The following COL18A1 variants were observed in gnomAD, a reference collection of about 807,000 sequenced individuals.
The protein encoded by COL18A1 is collagen type XVIII alpha 1 chain, also known as collagen alpha-1(XVIII) chain.
Under a neutral mutation model 168.0 loss-of-function variants are expected in COL18A1, and 133 were observed. That is an observed-to-expected ratio of 0.79 (90% CI 0.69 to 0.91). The LOEUF (loss-of-function observed/expected upper bound fraction) is 0.91. COL18A1 is among the 40% of genes least tolerant of loss of function. COL18A1 has a pLI of 0.00. For synonymous variants in COL18A1, 949 were observed against 809.0 expected, an observed-to-expected ratio of 1.17 and a Z score of -2.94; for missense variants, 2,126 against 1,925.4, an observed-to-expected ratio of 1.10 and a Z score of -1.95.
chr21:45,452,915 G>T (rs530580022), intron 2 of COL18A1, among the ~76,000 whole-genome samples: 13 of 152,118 alleles, frequency 8.5e-5, no homozygotes, highest in Admixed American at 5.2e-4. Context: ...ATGTACATGT[G>T]TGTGAGTATT....
At chr21:45,456,821 G>A (rs762263431) in intron 2 of COL18A1, 36 of 1,525,914 alleles carry the variant, frequency 2.4e-5, no homozygotes, top group African/African-American at 1.3e-4. Context: ...GCTGCCCGTC[G>A]CCTGTGCCTC....
chr21:45,435,980 A>G (rs2145793129), intron 2 of COL18A1, among the ~76,000 whole-genome samples: 1 of 152,232 alleles, frequency 6.6e-6, no homozygotes, highest in African/African-American at 2.4e-5. Flanking sequence ...CTGTGGGTCC[A>G]TGGCCCAGGC....
chr21:45,458,017 G>T (rs888362883), intron 2 of COL18A1, among the ~76,000 whole-genome samples: 1 of 151,730 alleles, frequency 6.6e-6, no homozygotes, highest in Admixed American at 6.6e-5. Context: ...CTGGGGAGTG[G>T]CCGGGGGGCC....
intron 10 of COL18A1, 37 bp from the exon 11 acceptor site, chr21:45,480,033 G>T: frequency 6.2e-7 from 1 of 1,611,132 alleles, no homozygotes; most frequent in Non-Finnish European, 8.5e-7. Context: ...GGCTGTGTGC[G>T]TGCCCAGGGT....
At chr21:45,436,509 G>C (rs1435024800) in intron 2 of COL18A1, among the ~76,000 whole-genome samples, 1 of 152,132 alleles carries the variant, frequency 6.6e-6, no homozygotes, top group Non-Finnish European at 1.5e-5. Context: ...AGGGCTTTCG[G>C]TTCGGCAAAA....
At chr21:45,441,158 A>C (rs148487455) in intron 2 of COL18A1, among the ~76,000 whole-genome samples, 2 of 152,286 alleles carry the variant, frequency 1.3e-5, no homozygotes, top group African/African-American at 4.8e-5. Flanking sequence ...GCAGCTGCCC[A>C]GACCTGGGGT....
At position 45,473,861 on chromosome 21, in the gene COL18A1, A is replaced by C; in HGVS notation, c.652-34A>C. 9 of 1,552,360 alleles carry C rather than the reference A, an allele frequency of 5.8e-6. No individual in the cohort carries two copies. Among genetic ancestry groups the C allele is most frequent in the African/African-American group, 1.4e-5 (1 of 73,390 alleles). On this transcript the variant is annotated intron_variant, in intron 3 of 41. Transcript: ENST00000651438. The surrounding 1 kb of genome is among the most constrained non-coding windows in gnomAD (Gnocchi z 4.0). ...CCGGGGTTGCCACTGCCACCTCAGG[A>C]CCGCTGGTGACCCCTTTCTCTGTCT...
chr21:45,438,022 TCA>T lies in COL18A1; in HGVS notation c.107-30213_107-30212del, dbSNP rs796184973. 3.2e-4 allele frequency among the ~76,000 whole-genome samples: 11 copies of T among 34,402 alleles called. 1 individual carries two copies. Among genetic ancestry groups the T allele is most frequent in the Non-Finnish European group, 5.6e-4 (10 of 17,708 alleles). 22.6% of individuals were successfully genotyped at this position (34,402 alleles called of 152,430 possible). A position where few individuals can be genotyped will look rare whatever the true frequency, so the allele number is the denominator to read the frequency against. On this transcript the variant is annotated intron_variant, in intron 2 of 41. Transcript: ENST00000651438. ...CACTCTCCTGCACACACACACTCAC[TCA>T]CACACAGACACACAGGCACTCTCCT...
intron 12 of COL18A1, 75 bp from the exon 13 acceptor site, chr21:45,480,625 G>GC: frequency 1.2e-6 from 2 of 1,612,320 alleles, no homozygotes; most frequent in South Asian, 2.2e-5. Context: ...TGGGGATGAG[G>GC]CCCGTTCTGG....
chr21:45,477,886 C>A lies in COL18A1; in HGVS notation c.1142C>A (p.Ala381Glu). The change falls in exon 8 of 42, where the codon GCG becomes GAG. Residue 381 changes from alanine to glutamate, a missense_variant. Ala to Glu is a moderately radical substitution (Grantham distance 107). Coordinates refer to ENST00000651438, the MANE Select transcript of COL18A1 (RefSeq NM_001379500.1). ...AGTCCCCTGGGTCCTGCAGGCCCAGCGTTGCAAACTGTCCCCGGACCACAA... is the reference window on the plus strand; with the variant it reads ...AGTCCCCTGGGTCCTGCAGGCCCAGAGTTGCAAACTGTCCCCGGACCACAA... ...PVSPLGPAGP[A>E]LQTVPGPQGP... 1.3e-6 allele frequency: 2 copies of A among 1,561,064 alleles called. No homozygotes were observed. The highest frequency in any genetic ancestry group is 1.7e-6 in the Non-Finnish European group (2 of 1,152,364).
intron 2 of COL18A1, among the ~76,000 whole-genome samples, chr21:45,467,632 C>T (rs969688144): frequency 6.6e-6 from 1 of 152,208 alleles, no homozygotes; most frequent in African/African-American, 2.4e-5. Context: ...GGCGACGCCC[C>T]GTAGCCGAGG....
Position 45,505,235 on chromosome 21 carries a change from A to AGGCCCTCCC in COL18A1, c.2975_2976insTCCCGGCCC (p.Gly994_Pro996dup). ...GGCGCCAGGGCCCTCCCGGCCCCCC[A>AGGCCCTCCC]GGCCCCCCAGGGCCCCCTTCATTTC... On this transcript the variant is annotated inframe_insertion, in exon 35 of 42. Coordinates refer to ENST00000651438, the MANE Select transcript of COL18A1 (RefSeq NM_001379500.1). 1.9e-6 allele frequency: 3 copies of AGGCCCTCCC among 1,595,018 alleles called. No homozygotes were observed. Among genetic ancestry groups the AGGCCCTCCC allele is most frequent in the African/African-American group, 1.3e-5 (1 of 74,300 alleles).
chr21:45,496,671 G>C, intron 30 of COL18A1, 103 bp downstream of exon 30: 1 of 765,782 alleles, frequency 1.3e-6, no homozygotes, highest in Non-Finnish European at 2.4e-6. Flanking sequence ...TGCGTCTGGG[G>C]GTCCTTCTAG....
chr21:45,495,259 C>T (rs748493034), intron 28 of COL18A1, 99 bp from the exon 29 acceptor site: 25 of 1,005,786 alleles, frequency 2.5e-5, no homozygotes, highest in Non-Finnish European at 3.2e-5. Flanking sequence ...GAGCGTGGGC[C>T]GGCCGGGCCT....
chr21:45,478,142 G>A (rs2035748208), intron 8 of COL18A1, 177 bp downstream of exon 8: 10 of 823,878 alleles, frequency 1.2e-5, no homozygotes, highest in Non-Finnish European at 2.0e-5. Context: ...GACGTGGGAG[G>A]CGGAGCTGCT....
intron 2 of COL18A1, among the ~76,000 whole-genome samples, chr21:45,442,695 G>A (rs2034403413): frequency 8.4e-6 from 1 of 119,508 alleles, no homozygotes; most frequent in South Asian, 2.8e-4. Flanking sequence ...TGGTGGTGCT[G>A]GTGTGGGCGG....
intron 40 of COL18A1, among the ~76,000 whole-genome samples, 165 bp from the exon 41 acceptor site, chr21:45,510,946 C>CCCACACACACACAT (rs149520091): frequency 0.45 from 25,444 of 57,066 alleles, 5,604 homozygotes; most frequent in East Asian, 0.64. Flanking sequence ...AAAACACACA[C>CCCACACACACACAT]CCACAACACC....
In COL18A1 at chr21:45,425,084, G is replaced by A. The variant is rs183321267; in HGVS notation, c.106+19611G>A. The A allele has an allele frequency of 6.6e-6, 1 of 152,228 alleles. No homozygotes were observed. The highest frequency in any genetic ancestry group is 1.5e-5 in the Non-Finnish European group (1 of 68,084). 9.4% of individuals were successfully genotyped at this position (152,228 alleles called of 1,614,324 possible). A position where few individuals can be genotyped will look rare whatever the true frequency, so the allele number is the denominator to read the frequency against. On this transcript the variant is annotated intron_variant, in intron 2 of 41. Transcript: ENST00000651438. This position sits in a 1 kb window ranked among gnomAD's most constrained non-coding sequence, Gnocchi z 4.1. ...GGGCCAGTCAGTCTCATGAGGACGGGGTGGGTCTGACTTGTGGCATCGCGG... is the reference window on the plus strand; with the variant it reads ...GGGCCAGTCAGTCTCATGAGGACGGAGTGGGTCTGACTTGTGGCATCGCGG...
In COL18A1 at chr21:45,428,727, C is replaced by T. The variant is rs201622545; in HGVS notation, c.106+23254C>T. On this transcript the variant is annotated intron_variant, in intron 2 of 41. Coordinates refer to ENST00000651438, the MANE Select transcript of COL18A1 (RefSeq NM_001379500.1). ...TCCCGCAGTGCGAGGCCTTTTGTTT[C>T]GGGCTCCTCTCACAAGCCTCACGTT... Among the ~76,000 whole-genome samples, 30 of 152,220 alleles carry T rather than the reference C, an allele frequency of 2.0e-4. No individual in the cohort carries two copies. In the East Asian group the frequency reaches 5.0e-3, roughly 26 times the overall value.
Sources: allele counts gnomAD v4.1 joint callset (sites outside exome capture counted in the v4.1 genomes callset), GRCh38; gene constraint gnomAD v4.1.1; non-coding constraint Gnocchi (gnomAD v3.1); transcripts MANE v1.5; gene names NCBI Gene and HGNC (gene_info 2026-07-23, HGNC 2026-07-21).